Variants in GNL2 observed in about 807,000 individuals in gnomAD.
GNL2 encodes the protein G protein nucleolar 2, also known as nucleolar GTP-binding protein 2.
Under a neutral mutation model 92.3 loss-of-function variants are expected in GNL2, and 51 were observed. The observed-to-expected ratio is 0.55, with a 90% CI of 0.44 to 0.70. GNL2 has a LOEUF of 0.70. GNL2 is among the 30% of genes least tolerant of loss of function. The pLI is 0.00. For missense variants in GNL2, 844 were observed against 895.6 expected (o/e 0.94, Z 0.74); for synonymous variants, 283 against 300.6 (o/e 0.94, Z 0.61).
At chr1:37,574,488 T>C (rs747184993) in intron 11 of GNL2, 32 bp from the exon 12 acceptor site, 1 of 1,574,934 alleles carries the variant, frequency 6.3e-7, no homozygotes, top group East Asian at 2.2e-5. Context: ...CCCAATTAAA[T>C]TCAAAGGACC....
At chr1:37,595,612 T>C in intron 1 of GNL2, 147 bp downstream of exon 1, 1 of 708,048 alleles carries the variant, frequency 1.4e-6, no homozygotes, top group Non-Finnish European at 2.5e-6. Context: ...TGCTTTCCTT[T>C]TTCCCTTTTC....
intron 12 of GNL2, among the ~76,000 whole-genome samples, chr1:37,573,794 C>A (rs998793356): frequency 6.6e-5 from 10 of 152,138 alleles, no homozygotes; most frequent in African/African-American, 4.8e-5. Context: ...TCCAAATGCA[C>A]CCCCTAGCAA....
At chr1:37,590,386 C>A (rs1367809855) in intron 4 of GNL2, among the ~76,000 whole-genome samples, 1 of 152,178 alleles carries the variant, frequency 6.6e-6, no homozygotes, top group African/African-American at 2.4e-5. Context: ...GGATTACAGG[C>A]GTGAGCCACT....
intron 6 of GNL2, 86 bp from the exon 7 acceptor site, chr1:37,583,022 A>G: frequency 1.1e-6 from 1 of 897,218 alleles, no homozygotes; most frequent in Non-Finnish European, 1.7e-6. Context: ...AAAATAAAAT[A>G]ATAATATTTA....
chr1:37,581,723 G>T (rs1286348897), intron 8 of GNL2, among the ~76,000 whole-genome samples: 2 of 152,198 alleles, frequency 1.3e-5, no homozygotes, highest in Non-Finnish European at 2.9e-5. Flanking sequence ...GGGGTGCAGT[G>T]GCGCAATCTC....
Position 37,593,763 on chromosome 1 carries a change from T to C in GNL2, c.148A>G (p.Arg50Gly), listed in dbSNP as rs200215365. 1.6e-4 allele frequency: 252 copies of C among 1,611,212 alleles called. No individual in the cohort carries two copies. Among genetic ancestry groups the C allele is most frequent in the Admixed American group, 2.2e-4 (13 of 59,990 alleles). Residue 50 changes from arginine (R) to glycine (G), a missense_variant and splice_region_variant, in exon 2 of 16, where the codon AGG becomes GGG. Coordinates refer to ENST00000373062, the MANE Select transcript of GNL2 (RefSeq NM_013285.3). ...AGGATGACAGCACCCAGTGCTCACC[T>C]GCGCTCCTTTTGCCTATACATATTC... The part of the protein sequence containing the change: ...RLNMYRQKER[R>G]NSRGKIIKPL...
chr1:37,568,023 C>A, intron 14 of GNL2: 1 of 589,084 alleles, frequency 1.7e-6, no homozygotes, highest in Non-Finnish European at 3.0e-6. Context: ...GTCTGTGGAC[C>A]CACCCTTGGA....
rs773973389 is a variant in GNL2, at chr1:37,582,338, TAGA to T, written c.796-5_796-3del. 14 of 1,593,598 alleles carry T rather than the reference TAGA, an allele frequency of 8.8e-6. No individual in the cohort carries two copies. Among genetic ancestry groups the T allele is most frequent in the African/African-American group, 4.0e-5 (3 of 74,306 alleles). ...GGAGAGGACAGCAACCCACCGTTTC[TAGA>T]AGGAGAGATGAAAACATTTTGGTAA... On this transcript the variant is annotated splice_polypyrimidine_tract_variant and splice_region_variant and intron_variant, in intron 7 of 15. Transcript: ENST00000373062.
chr1:37,589,992 C>T lies in GNL2; in HGVS notation c.384+714G>A, dbSNP rs1291457988. Among the ~76,000 whole-genome samples, 5 of 152,334 alleles carry T rather than the reference C, an allele frequency of 3.3e-5. No individual in the cohort carries two copies. In the South Asian group the frequency reaches 1.0e-3, roughly 32 times the overall value. ...TTGCCTACCAAAATAAATAATATTA[C>T]TAATAGCTGTTATCAATTTAGCTCT... On this transcript the variant is annotated intron_variant, in intron 4 of 15. Coordinates refer to ENST00000373062, the MANE Select transcript of GNL2 (RefSeq NM_013285.3).
chr1:37,566,886 T>C lies in GNL2; in HGVS notation c.2165A>G (p.His722Arg), dbSNP rs1018974025. The C allele has an allele frequency of 1.1e-5, 17 of 1,613,840 alleles. No homozygotes were observed. The highest frequency in any genetic ancestry group is 1.4e-5 in the Non-Finnish European group (17 of 1,179,968). ...KKTNDSEGQK[H>R]KRKKFRQKQ ...CTTTTGTCTGAATTTTTTGCGTTTG[T>C]GTTTCTGTCCCTCTGAGTCATTGGT... The change falls in exon 16 of 16, where the codon CAC becomes CGC. Residue 722 changes from histidine to arginine, a missense_variant. His to Arg is a conservative substitution (Grantham distance 29, BLOSUM62 0). Transcript: ENST00000373062.
intron 4 of GNL2, among the ~76,000 whole-genome samples, chr1:37,588,022 T>C (rs1273542254): frequency 6.6e-6 from 1 of 152,240 alleles, no homozygotes; most frequent in Non-Finnish European, 1.5e-5. Flanking sequence ...ATTGCTTGTT[T>C]TGTAAGATGC....
chr1:37,591,277 G>A (rs1265889983), intron 3 of GNL2, among the ~76,000 whole-genome samples: 2 of 152,080 alleles, frequency 1.3e-5, no homozygotes, highest in Non-Finnish European at 2.9e-5. Context: ...GGGTTATGAG[G>A]ATTCAAAGGG....
chr1:37,593,165 G>A (rs1164431325), intron 2 of GNL2, among the ~76,000 whole-genome samples: 5 of 152,042 alleles, frequency 3.3e-5, no homozygotes, highest in South Asian at 2.1e-4. Context: ...GGTGATTTAC[G>A]CCGGAATTCC....
intron 12 of GNL2, among the ~76,000 whole-genome samples, chr1:37,572,393 G>A (rs1643607872): frequency 6.6e-6 from 1 of 152,126 alleles, no homozygotes; most frequent in Non-Finnish European, 1.5e-5. Flanking sequence ...CTTCAGGATG[G>A]GGGATGCGCT....
intron 8 of GNL2, among the ~76,000 whole-genome samples, chr1:37,580,213 C>T (rs995546289): frequency 6.6e-6 from 1 of 152,096 alleles, no homozygotes; most frequent in Admixed American, 6.6e-5. Context: ...GCAGGAGGAT[C>T]GCTTGGGCCT....
chr1:37,575,845 C>G lies in GNL2; in HGVS notation c.1039-146G>C, dbSNP rs191639586. 8.5e-5 allele frequency: 49 copies of G among 578,892 alleles called. No homozygotes were observed. Among genetic ancestry groups the G allele is most frequent in the African/African-American group, 7.8e-4 (40 of 51,364 alleles). The allele number at this position is 578,892 out of a possible 1,614,324, so 35.9% of individuals were successfully genotyped here. ...GCGCTAAGTAATTAAGCTACTAACT[C>G]TCTCATCTGTGCCGTGCACAAGATA... On this transcript the variant is annotated intron_variant, in intron 9 of 15. Coordinates refer to ENST00000373062, the MANE Select transcript of GNL2 (RefSeq NM_013285.3). This position sits in a 1 kb window ranked among gnomAD's most constrained non-coding sequence, Gnocchi z 4.1.
At chr1:37,586,747 T>C (rs1168001233) in intron 5 of GNL2, among the ~76,000 whole-genome samples, 1 of 152,204 alleles carries the variant, frequency 6.6e-6, no homozygotes, top group African/African-American at 2.4e-5. Flanking sequence ...TGTATTACTA[T>C]TATAAATGAA....
At chr1:37,588,999 A>G (rs1643871847) in intron 4 of GNL2, among the ~76,000 whole-genome samples, 1 of 152,244 alleles carries the variant, frequency 6.6e-6, no homozygotes, top group South Asian at 2.1e-4. Context: ...ACTGACAACA[A>G]GTACAGGCAA....
At chr1:37,578,193 C>T (rs1413945504) in intron 8 of GNL2, among the ~76,000 whole-genome samples, 2 of 152,164 alleles carry the variant, frequency 1.3e-5, no homozygotes, top group Admixed American at 1.3e-4. Context: ...AATCCCAGAA[C>T]TCTGGGAGGC....
Sources: allele counts gnomAD v4.1 joint callset (sites outside exome capture counted in the v4.1 genomes callset), GRCh38; gene constraint gnomAD v4.1.1; non-coding constraint Gnocchi (gnomAD v3.1); transcripts MANE v1.5; gene names NCBI Gene and HGNC (gene_info 2026-07-23, HGNC 2026-07-21).